Variants in CHRM3 observed in about 807,000 individuals in gnomAD.
CHRM3 encodes the protein cholinergic receptor muscarinic 3.
In CHRM3, 11 loss-of-function variants were observed where a neutral mutation model predicts 41.8. The observed-to-expected ratio is 0.26, with a 90% CI of 0.17 to 0.44. The LOEUF (loss-of-function observed/expected upper bound fraction) is 0.44. CHRM3 is among the 20% of genes least tolerant of loss of function. The pLI, the probability that CHRM3 is intolerant of heterozygous loss-of-function variation, is 1.00. For missense variants in CHRM3, 571 were observed against 745.4 expected (o/e 0.77, Z 2.72); for synonymous variants, 297 against 301.4 (o/e 0.99, Z 0.15).
chr1:239,861,335 T>TCCCCA (rs1675623357), intron 6 of CHRM3, among the ~76,000 whole-genome samples: 1 of 152,130 alleles, frequency 6.6e-6, no homozygotes, highest in Non-Finnish European at 1.5e-5. Flanking sequence ...AGGAAAGGTT[T>TCCCCA]TTCTAAGAAG....
chr1:239,892,948 A>C (rs184804211), intron 6 of CHRM3, among the ~76,000 whole-genome samples: 1 of 152,366 alleles, frequency 6.6e-6, no homozygotes, highest in African/African-American at 2.4e-5. Flanking sequence ...GAAAATAAAA[A>C]GCAAGCTAGA....
intron 1 of CHRM3, among the ~76,000 whole-genome samples, chr1:239,457,050 T>C (rs1156239879): frequency 1.3e-4 from 20 of 152,160 alleles, no homozygotes; most frequent in Non-Finnish European, 2.9e-5. Context: ...AAACAGCTTG[T>C]TGCTGTCATT....
At chr1:239,877,294 A>C (rs1677185238) in intron 6 of CHRM3, among the ~76,000 whole-genome samples, 1 of 152,150 alleles carries the variant, frequency 6.6e-6, no homozygotes, top group Admixed American at 6.6e-5. Flanking sequence ...TTTATTTTTT[A>C]AAAGCATAAA....
chr1:239,671,728 C>T (rs1674389381), intron 4 of CHRM3, among the ~76,000 whole-genome samples: 1 of 151,160 alleles, frequency 6.6e-6, no homozygotes, highest in African/African-American at 2.4e-5. Flanking sequence ...TCCTGTTACT[C>T]TGCCTTGGAT....
intron 4 of CHRM3, among the ~76,000 whole-genome samples, chr1:239,662,837 C>A (rs1673335760): frequency 7.0e-6 from 1 of 142,166 alleles, no homozygotes; most frequent in Non-Finnish European, 1.6e-5. Context: ...TCCTCCTCCT[C>A]TTCTTCTTCC....
intron 1 of CHRM3, among the ~76,000 whole-genome samples, chr1:239,427,901 G>C (rs368385401): frequency 5.9e-5 from 9 of 152,156 alleles, no homozygotes; most frequent in Non-Finnish European, 1.0e-4. Context: ...AGAGTCCAAA[G>C]AATTCCCAGC....
At chr1:239,762,253 C>T (rs1484207139) in intron 5 of CHRM3, among the ~76,000 whole-genome samples, 1 of 152,108 alleles carries the variant, frequency 6.6e-6, no homozygotes, top group Non-Finnish European at 1.5e-5. Flanking sequence ...CTCTTCTTCC[C>T]GAGAGAATTG....
At chr1:239,791,888 T>C (rs1479629463) in intron 5 of CHRM3, among the ~76,000 whole-genome samples, 1 of 152,116 alleles carries the variant, frequency 6.6e-6, no homozygotes, top group Non-Finnish European at 1.5e-5. Context: ...AGTGGGTAGA[T>C]TGGCAGATAC....
At chr1:239,701,005 T>G (rs1660633425) in intron 5 of CHRM3, among the ~76,000 whole-genome samples, 1 of 152,226 alleles carries the variant, frequency 6.6e-6, no homozygotes, top group African/African-American at 2.4e-5. Context: ...CACTAATGAT[T>G]AAAACCTGTG....
chr1:239,523,732 T>C (rs1411453489), intron 2 of CHRM3, among the ~76,000 whole-genome samples: 1 of 152,142 alleles, frequency 6.6e-6, no homozygotes, highest in Non-Finnish European at 1.5e-5. Flanking sequence ...TGTTGGAACA[T>C]ACGTGTCAGG....
intron 1 of CHRM3, among the ~76,000 whole-genome samples, chr1:239,489,205 A>G (rs2148051960): frequency 6.6e-6 from 1 of 152,252 alleles, no homozygotes; most frequent in Non-Finnish European, 1.5e-5. Flanking sequence ...TGAGGTTAGG[A>G]GTTCGAAACC....
chr1:239,515,628 C>T (rs1325140684), intron 2 of CHRM3, among the ~76,000 whole-genome samples: 1 of 152,126 alleles, frequency 6.6e-6, no homozygotes, highest in African/African-American at 2.4e-5. Flanking sequence ...TCCACACAAA[C>T]AATTATTGTG....
rs1572552338 is a variant in CHRM3 at position 239,872,790 on chromosome 1, T to C, written c.-19-34643T>C. Among the ~76,000 whole-genome samples, 4 of 152,308 alleles carry C rather than the reference T, an allele frequency of 2.6e-5. No individual in the cohort carries two copies. The Middle Eastern group carries it at 0.014, about 518-fold the overall frequency. On this transcript the variant is annotated intron_variant, in intron 6 of 6. Transcript: ENST00000676153. The stretch of plus-strand genomic sequence containing the variant: ...GATATGTTTTTTCAAGTAATATACA[T>C]GCTGTGATAGATGTCATGAACAGAC...
chr1:239,838,307 A>G (rs753964733), intron 6 of CHRM3, among the ~76,000 whole-genome samples: 2 of 152,206 alleles, frequency 1.3e-5, no homozygotes, highest in Admixed American at 6.5e-5. Context: ...ATGGGACTCT[A>G]TGGAAGGTGT....
intron 6 of CHRM3, among the ~76,000 whole-genome samples, chr1:239,874,280 ACACAG>A (rs1676849544): frequency 8.3e-6 from 1 of 119,938 alleles, no homozygotes; most frequent in East Asian, 2.2e-4. Flanking sequence ...ATATCTATAT[ACACAG>A]TATATATATA....
At chr1:239,870,842 C>G (rs964370579) in intron 6 of CHRM3, among the ~76,000 whole-genome samples, 25 of 152,178 alleles carry the variant, frequency 1.6e-4, no homozygotes, top group Non-Finnish European at 2.5e-4. Flanking sequence ...TGTTTATCCT[C>G]TTTTTGACTC....
At chr1:239,563,551 A>T (rs1437589850) in intron 3 of CHRM3, among the ~76,000 whole-genome samples, 1 of 152,220 alleles carries the variant, frequency 6.6e-6, no homozygotes, top group Non-Finnish European at 1.5e-5. Context: ...AATAATCATG[A>T]AGAATTCCAA....
chr1:239,688,396 TA>T lies in CHRM3; in HGVS notation c.-147+10111del, dbSNP rs1179686792. On this transcript the variant is annotated intron_variant, in intron 5 of 6. Transcript: ENST00000676153. ...AGCATTGTTTTGGGTTTTAAATATA[TA>T]AATATAAATATGTATATAAATATAT... 2.8e-5 allele frequency among the ~76,000 whole-genome samples: 4 copies of T among 144,356 alleles called. No homozygotes were observed. In the South Asian group the frequency reaches 8.4e-4, roughly 30 times the overall value. 94.7% of individuals were successfully genotyped at this position (144,356 alleles called of 152,430 possible).
intron 1 of CHRM3, among the ~76,000 whole-genome samples, chr1:239,491,650 G>C (rs541173587): frequency 6.6e-6 from 1 of 152,296 alleles, no homozygotes; most frequent in South Asian, 2.1e-4. Flanking sequence ...AAGCATAGGA[G>C]GGCAGATGTC....
Sources: gnomAD v4.1 joint callset for allele counts (sites outside exome capture counted in the v4.1 genomes callset) on GRCh38, gnomAD v4.1.1 for gene constraint, MANE v1.5 for transcripts, NCBI Gene and HGNC (gene_info 2026-07-23, HGNC 2026-07-21) for gene names.